Variants in MSH3 observed in about 807,000 individuals in gnomAD.
The protein encoded by MSH3 is DNA mismatch repair protein Msh3.
Under a neutral mutation model 123.3 loss-of-function variants are expected in MSH3, and 106 were observed. The ratio of observed to expected loss-of-function variants is 0.86; its 90% CI spans 0.73 to 1.01. MSH3 has a LOEUF of 1.01. MSH3 is among the 50% of genes least tolerant of loss of function. The pLI, the probability that MSH3 is intolerant of heterozygous loss-of-function variation, is 0.00. For synonymous variants in MSH3, 515 were observed against 481.4 expected (o/e 1.07, Z -0.91); for missense variants, 1,459 against 1,347.6 (o/e 1.08, Z -1.29).
intron 8 of MSH3, among the ~76,000 whole-genome samples, chr5:80,703,361 T>C (rs151218902): frequency 1.9e-4 from 29 of 152,336 alleles, no homozygotes; most frequent in African/African-American, 6.3e-4. Context: ...CCTCCAGATA[T>C]CACAAAGTTT....
chr5:80,678,909 A>G lies in MSH3; in HGVS notation c.1174-18A>G, dbSNP rs1463777752. The G allele has an allele frequency of 3.1e-6, 5 of 1,613,732 alleles. No homozygotes were observed. Among genetic ancestry groups the G allele is most frequent in the South Asian group, 2.2e-5 (2 of 91,070 alleles). On this transcript the variant is annotated intron_variant, in intron 7 of 23. Coordinates refer to ENST00000265081, the MANE Select transcript of MSH3 (RefSeq NM_002439.5). ...AAATACATTTTTTCTGTAACATTAT[A>G]TTTGTATTTGTTTTTAGGGAGTGCA...
intron 12 of MSH3, among the ~76,000 whole-genome samples, chr5:80,757,964 C>T (rs536553731): frequency 2.0e-4 from 30 of 152,184 alleles, no homozygotes; most frequent in East Asian, 3.9e-4. Flanking sequence ...TATACCTAAC[C>T]GCAGTGATGA....
chr5:80,708,916 A>T (rs1242336920), intron 8 of MSH3, among the ~76,000 whole-genome samples: 1 of 151,846 alleles, frequency 6.6e-6, no homozygotes, highest in Non-Finnish European at 1.5e-5. Flanking sequence ...CTGGGATTAC[A>T]GGCGCCCACT....
At chr5:80,829,161 ATTGGAGATTAAGTTTCAAC>A (rs1376159307) in intron 20 of MSH3, among the ~76,000 whole-genome samples, 2 of 152,210 alleles carry the variant, frequency 1.3e-5, no homozygotes, top group African/African-American at 2.4e-5. Context: ...GTACTGTTAC[ATTGGAGATTAAGTTTCAAC>A]TTGAATTTCA....
intron 8 of MSH3, among the ~76,000 whole-genome samples, chr5:80,680,567 T>C (rs915949936): frequency 6.7e-6 from 1 of 150,160 alleles, no homozygotes; most frequent in Admixed American, 6.7e-5. Context: ...ACTTTTCTAT[T>C]CTGTGGTTTT....
chr5:80,714,874 A>T (rs1750927839), intron 8 of MSH3, among the ~76,000 whole-genome samples: 4 of 152,220 alleles, frequency 2.6e-5, no homozygotes, highest in Non-Finnish European at 5.9e-5. Flanking sequence ...GAAGATAAAA[A>T]TTGATAAGAA....
intron 19 of MSH3, among the ~76,000 whole-genome samples, chr5:80,809,488 A>G (rs910420958): frequency 6.6e-5 from 10 of 152,192 alleles, no homozygotes; most frequent in African/African-American, 9.6e-5. Flanking sequence ...TAAAAAGTGT[A>G]TATTTTTTCT....
intron 20 of MSH3, among the ~76,000 whole-genome samples, chr5:80,848,637 C>T (rs559444610): frequency 7.2e-5 from 11 of 152,270 alleles, no homozygotes; most frequent in South Asian, 2.1e-4. Flanking sequence ...CAGGGAAATG[C>T]GCGTTTTTAA....
intron 12 of MSH3, among the ~76,000 whole-genome samples, chr5:80,747,292 G>A (rs1407891596): frequency 6.6e-6 from 1 of 151,106 alleles, no homozygotes; most frequent in Non-Finnish European, 1.5e-5. Flanking sequence ...TTTTTTTTGT[G>A]TACCCAGGAT....
chr5:80,782,119 T>C (rs1037377264), intron 17 of MSH3, among the ~76,000 whole-genome samples: 4 of 152,206 alleles, frequency 2.6e-5, no homozygotes, highest in Non-Finnish European at 4.4e-5. Context: ...TGGAGAAATA[T>C]CTATTCCTAT....
At chr5:80,709,516 G>A (rs899308750) in intron 8 of MSH3, among the ~76,000 whole-genome samples, 2 of 152,010 alleles carry the variant, frequency 1.3e-5, no homozygotes, top group African/African-American at 4.8e-5. Context: ...CAGCTACTCC[G>A]GAGGCTGAGG....
intron 20 of MSH3, among the ~76,000 whole-genome samples, chr5:80,821,733 G>C (rs1044818439): frequency 1.3e-5 from 2 of 152,190 alleles, no homozygotes; most frequent in Admixed American, 6.5e-5. Flanking sequence ...GAAAGCCCCT[G>C]ATTGCTTTTT....
At chr5:80,749,110 G>A (rs1332323867) in intron 12 of MSH3, among the ~76,000 whole-genome samples, 2 of 152,086 alleles carry the variant, frequency 1.3e-5, no homozygotes, top group African/African-American at 2.4e-5. Context: ...TAGAGGGAGA[G>A]AACTAATAGG....
rs555919724 is a variant in MSH3 at position 80,875,701 on chromosome 5, T to C, written c.3303-50T>C. The C allele has an allele frequency of 5.8e-5, 63 of 1,077,060 alleles. No homozygotes were observed. The South Asian group carries it at 7.1e-4, about 12-fold the overall frequency. 66.7% of individuals were successfully genotyped at this position (1,077,060 alleles called of 1,614,324 possible). The stretch of plus-strand genomic sequence containing the variant: ...TCATAGCTTCTGATGAGACGTATTG[T>C]CTCCCAGCAATTTCATTTATTAAAT... On this transcript the variant is annotated intron_variant, in intron 23 of 23. Transcript: ENST00000265081.
intron 8 of MSH3, among the ~76,000 whole-genome samples, chr5:80,709,345 T>C (rs193215990): frequency 6.6e-6 from 1 of 151,764 alleles, no homozygotes; most frequent in Non-Finnish European, 1.5e-5. Context: ...TAGGGCCGGG[T>C]GCGGTGGTGG....
At chr5:80,657,091 C>T (rs544954100) in intron 2 of MSH3, among the ~76,000 whole-genome samples, 1 of 152,028 alleles carries the variant, frequency 6.6e-6, no homozygotes, top group African/African-American at 2.4e-5. Context: ...ATCTACTCTC[C>T]CCGCTTTTTT....
chr5:80,870,303 T>A (rs1315540684), intron 22 of MSH3, among the ~76,000 whole-genome samples: 1 of 151,820 alleles, frequency 6.6e-6, no homozygotes, highest in African/African-American at 2.4e-5. Flanking sequence ...GATGAATGAA[T>A]CTTGTTTAGA....
intron 8 of MSH3, among the ~76,000 whole-genome samples, chr5:80,688,027 G>C (rs553787342): frequency 1.3e-4 from 20 of 152,208 alleles, no homozygotes; most frequent in Admixed American, 5.2e-4. Flanking sequence ...GTCACACGTG[G>C]TATAACCAAT....
Position 80,873,159 on chromosome 5 carries a change from A to G in MSH3, c.3174A>G (p.Gln1058=), listed in dbSNP as rs758314489. 55 of 1,613,794 alleles carry G rather than the reference A, an allele frequency of 3.4e-5. 1 individual carries two copies. In the African/African-American group the frequency reaches 6.1e-4, roughly 18 times the overall value. The change falls in exon 23 of 24, where the codon CAA becomes CAG. Residue 1058 remains glutamine, a synonymous_variant. Transcript: ENST00000265081. The part of the protein sequence containing the change: ...QVPDFVTFLY[Q]ITRGIAARSY... ...CTGATTTTGTCACCTTCCTTTACCAAATAACTAGAGGAATTGCAGCAAGGA... is the reference window on the plus strand; with the variant it reads ...CTGATTTTGTCACCTTCCTTTACCAGATAACTAGAGGAATTGCAGCAAGGA...
Sources: gnomAD v4.1 joint callset for allele counts (sites outside exome capture counted in the v4.1 genomes callset) on GRCh38, gnomAD v4.1.1 for gene constraint, MANE v1.5 for transcripts, NCBI Gene and HGNC (gene_info 2026-07-23, HGNC 2026-07-21) for gene names.